VPS35L: variants seen among roughly 807,000 people sequenced by gnomAD.
VPS35L encodes VPS35 endosomal protein sorting factor like, also known as VPS35 endosomal protein-sorting factor-like.
Under a neutral mutation model 133.0 loss-of-function variants are expected in VPS35L, and 83 were observed. That is an observed-to-expected ratio of 0.62 (90% confidence interval 0.52 to 0.75). The LOEUF (loss-of-function observed/expected upper bound fraction) is 0.75. Among genes scored for constraint, VPS35L ranks in the 30% least tolerant of loss-of-function variants. The pLI, the probability that VPS35L is intolerant of heterozygous loss-of-function variation, is 0.00. For missense variants in VPS35L, 1,083 were observed against 1,206.8 expected, an observed-to-expected ratio of 0.90 and a Z score of 1.52; for synonymous variants, 423 against 449.9, an observed-to-expected ratio of 0.94 and a Z score of 0.76.
chr16:19,642,310 G>T, intron 21 of VPS35L, 86 bp from the exon 22 acceptor site: 1 of 1,148,736 alleles, frequency 8.7e-7, no homozygotes. Context: ...TGCTTTTCAA[G>T]TGTGTACAGT....
chr16:19,689,995 C>T (rs1975610256), intron 28 of VPS35L, among the ~76,000 whole-genome samples: 1 of 152,038 alleles, frequency 6.6e-6, no homozygotes, highest in Non-Finnish European at 1.5e-5. Context: ...TCATTGCAGC[C>T]ACCTACTCCT....
chr16:19,668,882 G>T (rs1172009047), intron 26 of VPS35L, among the ~76,000 whole-genome samples: 1 of 152,198 alleles, frequency 6.6e-6, no homozygotes, highest in African/African-American at 2.4e-5. Flanking sequence ...CCAGGCAACT[G>T]TCATTTCTAG....
At chr16:19,595,185 T>C (rs1193345176) in intron 8 of VPS35L, among the ~76,000 whole-genome samples, 1 of 152,038 alleles carries the variant, frequency 6.6e-6, no homozygotes, top group African/African-American at 2.4e-5. Context: ...CCAGAGGGTG[T>C]TGAGCAGAGG....
intron 19 of VPS35L, among the ~76,000 whole-genome samples, chr16:19,635,636 T>C (rs1275663845): frequency 6.6e-6 from 1 of 152,190 alleles, no homozygotes; most frequent in Non-Finnish European, 1.5e-5. Context: ...CTTTCCCAAT[T>C]TGATGACAGC....
chr16:19,590,320 C>T (rs1597335997), intron 7 of VPS35L, among the ~76,000 whole-genome samples: 1 of 152,108 alleles, frequency 6.6e-6, no homozygotes, highest in African/African-American at 2.4e-5. Flanking sequence ...ACATGGTGAA[C>T]GTTCTCACCA....
At chr16:19,692,542 G>A (rs997838320) in intron 29 of VPS35L, among the ~76,000 whole-genome samples, 10 of 151,764 alleles carry the variant, frequency 6.6e-5, no homozygotes, top group Non-Finnish European at 1.3e-4. Context: ...CTCAACCAAG[G>A]CCTTTCCACT....
intron 1 of VPS35L, among the ~76,000 whole-genome samples, chr16:19,559,305 A>C (rs115193322): frequency 6.6e-6 from 1 of 152,150 alleles, no homozygotes; most frequent in Non-Finnish European, 1.5e-5. Context: ...CGCCCAGGTG[A>C]TGTCATTGCT....
At chr16:19,595,297 CA>C (rs900260879) in intron 8 of VPS35L, among the ~76,000 whole-genome samples, 2 of 152,062 alleles carry the variant, frequency 1.3e-5, no homozygotes, top group African/African-American at 2.4e-5. Context: ...CGGTGAGAGG[CA>C]GGGGTGGCTT....
chr16:19,648,753 A>G (rs551121631), intron 24 of VPS35L, among the ~76,000 whole-genome samples: 120 of 151,914 alleles, frequency 7.9e-4, no homozygotes, highest in Non-Finnish European at 1.0e-3. Flanking sequence ...CTGTTGTCCC[A>G]GCTACTTGGG....
intron 8 of VPS35L, among the ~76,000 whole-genome samples, chr16:19,597,356 C>T (rs1486014927): frequency 1.4e-5 from 2 of 146,436 alleles, no homozygotes; most frequent in Non-Finnish European, 1.5e-5. Context: ...AAAGTAAGAC[C>T]CTGTCTCAAA....
At chr16:19,605,640 A>T (rs1021481183) in intron 9 of VPS35L, among the ~76,000 whole-genome samples, 2 of 152,114 alleles carry the variant, frequency 1.3e-5, no homozygotes, top group African/African-American at 4.8e-5. Flanking sequence ...ACATCTAGGC[A>T]TGGCTGGCTC....
intron 1 of VPS35L, among the ~76,000 whole-genome samples, chr16:19,562,076 G>A (rs1321476174): frequency 6.6e-6 from 1 of 152,154 alleles, no homozygotes; most frequent in African/African-American, 2.4e-5. Context: ...CTGCACTCCA[G>A]TGAGACTCTT....
At chr16:19,648,721 A>G (rs1452215805) in intron 24 of VPS35L, among the ~76,000 whole-genome samples, 1 of 151,962 alleles carries the variant, frequency 6.6e-6, no homozygotes, top group Non-Finnish European at 1.5e-5. Context: ...TACCAAAGTT[A>G]GTCAGGCGGG....
At position 19,639,711 on chromosome 16, in the gene VPS35L, T is replaced by G; in HGVS notation, c.1699-304T>G. 6.6e-6 allele frequency among the ~76,000 whole-genome samples: 1 copy of G among 152,142 alleles called. No individual in the cohort carries two copies. Among genetic ancestry groups the G allele is most frequent in the East Asian group, 1.9e-4 (1 of 5,194 alleles). ...GCCTGGTTTATTTTTGTATTTTTAGTAGAGACAGGGTTTCGCCATGTTGGC... is the reference window on the plus strand; with the variant it reads ...GCCTGGTTTATTTTTGTATTTTTAGGAGAGACAGGGTTTCGCCATGTTGGC... On this transcript the variant is annotated intron_variant, in intron 20 of 30. Coordinates refer to ENST00000417362, the MANE Select transcript of VPS35L (RefSeq NM_020314.7). The surrounding 1 kb of genome is among the most constrained non-coding windows in gnomAD (Gnocchi z 4.1).
chr16:19,563,671 T>A (rs1049148387), intron 1 of VPS35L, among the ~76,000 whole-genome samples: 26 of 152,242 alleles, frequency 1.7e-4, no homozygotes, highest in African/African-American at 6.3e-4. Flanking sequence ...CCTTTCTCTT[T>A]TTGAACCCTC....
At chr16:19,603,258 G>A (rs1005645244) in intron 9 of VPS35L, among the ~76,000 whole-genome samples, 1 of 152,126 alleles carries the variant, frequency 6.6e-6, no homozygotes, top group Non-Finnish European at 1.5e-5. Context: ...GCTACTGAGA[G>A]CCTTGCTCTT....
rs748356790 is a variant in VPS35L at position 19,628,763 on chromosome 16, C to A, written c.1500+10C>A. 1 of 1,164,914 alleles carries A rather than the reference C, an allele frequency of 8.6e-7. No individual in the cohort carries two copies. Among genetic ancestry groups the A allele is most frequent in the East Asian group, 2.8e-5 (1 of 36,134 alleles). 72.2% of individuals were successfully genotyped at this position (1,164,914 alleles called of 1,614,324 possible). On this transcript the variant is annotated intron_variant, in intron 17 of 30. Transcript: ENST00000417362. ...GCTGAAGAACCCACAGGTGAGTGGC[C>A]ATTTTATTTTTATTTTTATTTATTT...
chr16:19,676,439 T>C lies in VPS35L; in HGVS notation c.2362-5786T>C, dbSNP rs547742705. On this transcript the variant is annotated intron_variant, in intron 27 of 30. Transcript: ENST00000417362. ...GCTTTAGCATCAGTAGTCGTCAGCC[T>C]AGTCAGGGACTAGTTTGTGGAATAA... Among the ~76,000 whole-genome samples the C allele has an allele frequency of 2.6e-5, 4 of 152,350 alleles. No homozygotes were observed. The South Asian group carries it at 8.3e-4, about 32-fold the overall frequency.
intron 5 of VPS35L, among the ~76,000 whole-genome samples, chr16:19,577,038 A>G (rs150948641): frequency 7.0e-4 from 107 of 152,344 alleles, no homozygotes; most frequent in African/African-American, 2.5e-3. Flanking sequence ...CCCAGACCAT[A>G]AAAGGTAAAT....
Sources: gnomAD v4.1 joint callset for allele counts (sites outside exome capture counted in the v4.1 genomes callset) on GRCh38, gnomAD v4.1.1 for gene constraint, Gnocchi (gnomAD v3.1) non-coding constraint, MANE v1.5 for transcripts, NCBI Gene and HGNC (gene_info 2026-07-23, HGNC 2026-07-21) for gene names.